IDNK: variants seen among roughly 807,000 people sequenced by gnomAD.
IDNK encodes the protein IDNK gluconokinase.
A neutral mutation model predicts 13.0 loss-of-function variants in IDNK; 9 were observed. That is an observed-to-expected ratio of 0.69 (90% CI 0.42 to 1.21). The LOEUF (loss-of-function observed/expected upper bound fraction) is 1.21, where lower values mean the gene tolerates loss of function less well. IDNK is among the 50% of genes most tolerant of loss of function. IDNK has a pLI of 0.00. For missense variants in IDNK, 210 were observed against 237.8 expected, an observed-to-expected ratio of 0.88 and a Z score of 0.77; for synonymous variants, 92 against 94.9, an observed-to-expected ratio of 0.97 and a Z score of 0.18.
At chr9:83,639,160 A>G (rs1831236353) in intron 3 of IDNK, among the ~76,000 whole-genome samples, 1 of 152,192 alleles carries the variant, frequency 6.6e-6, no homozygotes, top group Non-Finnish European at 1.5e-5. Context: ...AATGGTTGGG[A>G]ACTCTAAAAA....
At chr9:83,629,027 C>A in intron 3 of IDNK, 68 bp downstream of exon 3, 21 of 1,221,528 alleles carry the variant, frequency 1.7e-5, no homozygotes, top group Non-Finnish European at 2.2e-5. Flanking sequence ...CGCTACAGCA[C>A]TTGCTGTAGT....
At chr9:83,630,677 T>C (rs567580781) in intron 3 of IDNK, among the ~76,000 whole-genome samples, 1 of 152,254 alleles carries the variant, frequency 6.6e-6, no homozygotes, top group African/African-American at 2.4e-5. Flanking sequence ...AAAATGTGAC[T>C]GTGCCAGTGT....
chr9:83,637,664 C>T (rs1317091919), intron 3 of IDNK, among the ~76,000 whole-genome samples: 6 of 152,192 alleles, frequency 3.9e-5, no homozygotes, highest in Non-Finnish European at 8.8e-5. Context: ...CAGAATAACC[C>T]ACTCCCCCAC....
intron 3 of IDNK, among the ~76,000 whole-genome samples, chr9:83,637,747 G>C (rs551267732): frequency 6.6e-6 from 1 of 152,212 alleles, no homozygotes; most frequent in Non-Finnish European, 1.5e-5. Context: ...TGGGAGATAA[G>C]ATTGTAAGCC....
intron 1 of IDNK, chr9:83,623,469 A>G: frequency 2.1e-6 from 1 of 482,976 alleles, no homozygotes; most frequent in Non-Finnish European, 3.7e-6. Context: ...GGCTGCGGCG[A>G]CCGCAGGCTC....
At chr9:83,636,233 C>G (rs979985257) in intron 3 of IDNK, among the ~76,000 whole-genome samples, 4 of 151,992 alleles carry the variant, frequency 2.6e-5, no homozygotes, top group Non-Finnish European at 5.9e-5. Flanking sequence ...ACCAAAAGCA[C>G]CTACAACAGT....
chr9:83,637,670 C>T (rs144123341), intron 3 of IDNK, among the ~76,000 whole-genome samples: 1 of 152,306 alleles, frequency 6.6e-6, no homozygotes, highest in East Asian at 1.9e-4. Flanking sequence ...AACCCACTCC[C>T]CCACATTTTT....
chr9:83,634,910 G>A (rs970018041), intron 3 of IDNK, among the ~76,000 whole-genome samples: 23 of 152,072 alleles, frequency 1.5e-4, no homozygotes, highest in Non-Finnish European at 7.4e-5. Context: ...TTCATAGTTC[G>A]AATTGCCCCT....
intron 3 of IDNK, among the ~76,000 whole-genome samples, chr9:83,640,922 T>C (rs935073710): frequency 2.0e-5 from 3 of 152,234 alleles, no homozygotes; most frequent in Non-Finnish European, 2.9e-5. Flanking sequence ...TCAGTGTGTT[T>C]AAATTTTTCA....
rs375097120 is a variant in IDNK, at chr9:83,643,558, G to A, written c.342G>A (p.Gln114=). 5.0e-6 allele frequency: 8 copies of A among 1,613,918 alleles called. No homozygotes were observed. In the Admixed American group the frequency reaches 1.2e-4, roughly 24 times the overall value. Residue 114 remains glutamine (Q), a synonymous_variant, in exon 5 of 5, where the codon CAG becomes CAA. Coordinates refer to ENST00000376419, the MANE Select transcript of IDNK (RefSeq NM_001001551.4). ...AGGAGTCGGGAAAGGAAGCAAAGCA[G>A]GCTGAGATGCAGCTCCTGGTGGTCC... ...KCEESGKEAK[Q]AEMQLLVVHL... is the part of the protein sequence containing the mutation.
At chr9:83,624,226 C>T (rs1163835663) in intron 1 of IDNK, among the ~76,000 whole-genome samples, 2 of 152,150 alleles carry the variant, frequency 1.3e-5, no homozygotes, top group Non-Finnish European at 1.5e-5. Flanking sequence ...AAATCATTGC[C>T]ATGGTGTGAT....
chr9:83,634,341 T>C (rs1831108646), intron 3 of IDNK, among the ~76,000 whole-genome samples: 1 of 152,250 alleles, frequency 6.6e-6, no homozygotes, highest in African/African-American at 2.4e-5. Flanking sequence ...AATAGTTTTA[T>C]ATTTATGTTT....
Position 83,623,195 on chromosome 9 carries a change from G to C in IDNK, c.24G>C (p.Leu8=). 7.1e-7 allele frequency: 1 copy of C among 1,414,014 alleles called. No individual in the cohort carries two copies. 87.6% of individuals were successfully genotyped at this position (1,414,014 alleles called of 1,614,324 possible). A position where few individuals can be genotyped will look rare whatever the true frequency, so the allele number is the denominator to read the frequency against. ...TTATGGCGGCGCCGGGCGCGCTGCT[G>C]GTGATGGGCGTGAGCGGCTCGGGGA... The part of the protein sequence containing the change: MAAPGAL[L]VMGVSGSGKS... The change falls in exon 1 of 5, where the codon CTG becomes CTC. Residue 8 remains leucine, a synonymous_variant. Transcript: ENST00000376419.
At chr9:83,634,827 C>A (rs1157819245) in intron 3 of IDNK, among the ~76,000 whole-genome samples, 1 of 152,222 alleles carries the variant, frequency 6.6e-6, no homozygotes, top group Non-Finnish European at 1.5e-5. Context: ...ACCCCAAACT[C>A]ATTATGAACA....
intron 2 of IDNK, 101 bp downstream of exon 2, chr9:83,628,312 G>A (rs2131620139): frequency 9.5e-7 from 1 of 1,051,534 alleles, no homozygotes; most frequent in Non-Finnish European, 1.4e-6. Context: ...ACTTCCACAT[G>A]GCTTTGAACC....
At chr9:83,635,813 T>C (rs1831149548) in intron 3 of IDNK, among the ~76,000 whole-genome samples, 1 of 152,242 alleles carries the variant, frequency 6.6e-6, no homozygotes, top group African/African-American at 2.4e-5. Context: ...ATTTCTATGA[T>C]TTGAAGGCAG....
rs1056590379 is a variant in IDNK at position 83,623,146 on chromosome 9, C to A, written c.-26C>A. 500 of 1,406,946 alleles carry A rather than the reference C, an allele frequency of 3.6e-4. No individual in the cohort carries two copies. Among genetic ancestry groups the A allele is most frequent in the Non-Finnish European group, 4.3e-4 (470 of 1,086,394 alleles). 87.2% of individuals were successfully genotyped at this position (1,406,946 alleles called of 1,614,324 possible). On this transcript the variant is annotated 5_prime_UTR_variant, in exon 1 of 5. Coordinates refer to ENST00000376419, the MANE Select transcript of IDNK (RefSeq NM_001001551.4). ...GCCGGGGCCGGCGGGGCCCGGAAGGCGACGGGAAGGAGCCGAGCTTGGGTT... is the reference window on the plus strand; with the variant it reads ...GCCGGGGCCGGCGGGGCCCGGAAGGAGACGGGAAGGAGCCGAGCTTGGGTT...
At chr9:83,631,451 GAA>G (rs57832482) in intron 3 of IDNK, among the ~76,000 whole-genome samples, 976 of 56,924 alleles carry the variant, frequency 0.017, 38 homozygotes, top group African/African-American at 0.067. Flanking sequence ...TACAAAAACT[GAA>G]AAAAAAAAAA....
intron 1 of IDNK, chr9:83,626,837 T>C (rs1013566773): frequency 7.3e-6 from 8 of 1,101,924 alleles, no homozygotes; most frequent in Non-Finnish European, 8.9e-6. Flanking sequence ...TTCAATAGAA[T>C]GAACTAATGG....
Sources: allele counts gnomAD v4.1 joint callset (sites outside exome capture counted in the v4.1 genomes callset), GRCh38; gene constraint gnomAD v4.1.1; transcripts MANE v1.5; gene names NCBI Gene and HGNC (gene_info 2026-07-23, HGNC 2026-07-21).